PAX2: variants seen among roughly 807,000 people sequenced by gnomAD.
The protein encoded by PAX2 is paired box protein Pax-2.
A neutral mutation model predicts 41.7 loss-of-function variants in PAX2; 9 were observed. That is an observed-to-expected ratio of 0.22 (90% confidence interval 0.13 to 0.38). PAX2 has a LOEUF of 0.38. PAX2 is among the 10% of genes least tolerant of loss of function. The pLI is 1.00. For missense variants in PAX2, 418 were observed against 531.6 expected, an observed-to-expected ratio of 0.79 and a Z score of 2.10; for synonymous variants, 221 against 212.7, an observed-to-expected ratio of 1.04 and a Z score of -0.34.
intron 1 of PAX2, among the ~76,000 whole-genome samples, chr10:100,739,432 G>T (rs1428912576): frequency 6.6e-6 from 1 of 152,238 alleles, no homozygotes; most frequent in Non-Finnish European, 1.5e-5. Flanking sequence ...GGGAGAGGAG[G>T]AAGGAAAGGC....
rs1848724266 is a variant in PAX2 at position 100,829,755 on chromosome 10, C to G, written c.*2136C>G. 9.7e-6 allele frequency: 2 copies of G among 205,416 alleles called. No homozygotes were observed. The highest frequency in any genetic ancestry group is 2.0e-5 in the Non-Finnish European group (2 of 99,888). The allele number at this position is 205,416 out of a possible 1,614,324, so 12.7% of individuals were successfully genotyped here. On this transcript the variant is annotated 3_prime_UTR_variant, in exon 10 of 10. Coordinates refer to ENST00000355243, the MANE Select transcript of PAX2 (RefSeq NM_000278.5). The stretch of plus-strand genomic sequence containing the variant: ...GCGAGGGCGCCGAGGTCCGGCCCAT[C>G]CCAGTCCTGTGGGGCTGGCCGGGCA...
chr10:100,763,955 T>C (rs1845922851), intron 3 of PAX2, among the ~76,000 whole-genome samples: 1 of 150,300 alleles, frequency 6.7e-6, no homozygotes, highest in African/African-American at 2.5e-5. Context: ...CTCTCATAAG[T>C]TTTCATGAGG....
At chr10:100,771,963 T>C (rs1244086502) in intron 3 of PAX2, among the ~76,000 whole-genome samples, 1 of 152,122 alleles carries the variant, frequency 6.6e-6, no homozygotes, top group Admixed American at 6.5e-5. Context: ...TCCGCCACCA[T>C]GCCCGGCTAA....
At chr10:100,809,750 A>G (rs912745515) in intron 7 of PAX2, among the ~76,000 whole-genome samples, 14 of 152,190 alleles carry the variant, frequency 9.2e-5, no homozygotes, top group African/African-American at 3.1e-4. Flanking sequence ...GATGAGTACA[A>G]TTATTCCAGC....
At chr10:100,789,909 G>A (rs940532215) in intron 5 of PAX2, among the ~76,000 whole-genome samples, 4 of 152,294 alleles carry the variant, frequency 2.6e-5, no homozygotes, top group Middle Eastern at 3.4e-3. Flanking sequence ...AGGTTCTGTC[G>A]ATGTTTTAGA....
At chr10:100,741,336 A>C (rs370499054), upstream of PAX2, among the ~76,000 whole-genome samples, 10 of 149,768 alleles carry the variant, frequency 6.7e-5, no homozygotes, top group Admixed American at 1.3e-4. Flanking sequence ...AAAAGAAAGT[A>C]GCTTTAGGGG....
intron 5 of PAX2, among the ~76,000 whole-genome samples, chr10:100,786,378 C>T (rs1190030897): frequency 6.6e-6 from 1 of 152,244 alleles, no homozygotes. Flanking sequence ...CTTTTTCTAA[C>T]ATGTGGGCAT....
chr10:100,803,020 G>A (rs990699171), intron 5 of PAX2, among the ~76,000 whole-genome samples: 1 of 151,928 alleles, frequency 6.6e-6, no homozygotes, highest in South Asian at 2.1e-4. Flanking sequence ...CCATCTTCCC[G>A]GGAGAACCCT....
intron 7 of PAX2, among the ~76,000 whole-genome samples, chr10:100,818,165 G>A (rs943541782): frequency 2.0e-5 from 3 of 152,168 alleles, no homozygotes; most frequent in East Asian, 1.9e-4. Flanking sequence ...AGGGTCCTCC[G>A]CAGTGTCAAG....
chr10:100,765,224 G>T (rs1379114775), intron 3 of PAX2, among the ~76,000 whole-genome samples: 2 of 152,138 alleles, frequency 1.3e-5, no homozygotes, highest in Admixed American at 1.3e-4. Context: ...TTTATTCTTT[G>T]CCTGACAAGA....
chr10:100,750,823 T>A lies in PAX2; in HGVS notation c.342T>A (p.Ile114=). Residue 114 remains isoleucine, a synonymous_variant, in exon 3 of 10, where the codon ATT becomes ATA. Transcript: ENST00000355243. This position sits in a 1 kb window ranked among gnomAD's most constrained non-coding sequence, Gnocchi z 4.1. ...RQNPTMFAWE[I]RDRLLAEGIC... ...ACCCGACTATGTTCGCCTGGGAGAT[T>A]CGAGACCGGCTCCTGGCCGAGGGCA... 1 of 1,614,190 alleles carries A rather than the reference T, an allele frequency of 6.2e-7. No homozygotes were observed. Among genetic ancestry groups the A allele is most frequent in the Non-Finnish European group, 8.5e-7 (1 of 1,180,018 alleles).
At chr10:100,775,257 G>C (rs1288528744) in intron 3 of PAX2, among the ~76,000 whole-genome samples, 1 of 152,202 alleles carries the variant, frequency 6.6e-6, no homozygotes, top group Non-Finnish European at 1.5e-5. Context: ...GAGGAACATG[G>C]GGAAACGGTA....
chr10:100,806,409 G>C (rs758771040), intron 5 of PAX2, 21 bp from the exon 6 acceptor site: 1 of 1,613,962 alleles, frequency 6.2e-7, no homozygotes, highest in Non-Finnish European at 8.5e-7. Context: ...CTAACGCCCC[G>C]AGTGTCCATG....
chr10:100,806,553 G>T lies in PAX2; in HGVS notation c.740G>T (p.Arg247Leu). The T allele has an allele frequency of 6.2e-7, 1 of 1,614,180 alleles. No individual in the cohort carries two copies. The highest frequency in any genetic ancestry group is 8.5e-7 in the Non-Finnish European group (1 of 1,180,028). Residue 247 changes from arginine (R) to leucine (L), a missense_variant, in exon 6 of 10, where the codon CGT becomes CTT. Transcript: ENST00000355243. ...QLEALDRVFE[R>L]PSYPDVFQAS... Reference sequence around the variant, plus strand: ...GAAGCTTTGGATCGGGTCTTTGAGCGTCCTTCCTACCCTGACGTCTTCCAG... The same window carrying T: ...GAAGCTTTGGATCGGGTCTTTGAGCTTCCTTCCTACCCTGACGTCTTCCAG...
chr10:100,793,000 C>G (rs532482973), intron 5 of PAX2, among the ~76,000 whole-genome samples: 1 of 152,360 alleles, frequency 6.6e-6, no homozygotes. Flanking sequence ...TAAATGCAAG[C>G]AGTTTCTCTA....
At chr10:100,735,520 G>T in exon 1 of PAX2, 1 of 304,890 alleles carries the variant, frequency 3.3e-6, no homozygotes, top group South Asian at 1.4e-4. Context: ...GGGAGTGAGA[G>T]AGCGGGCGCG....
intron 7 of PAX2, among the ~76,000 whole-genome samples, chr10:100,816,608 C>T (rs7917026): frequency 0.043 from 6,613 of 152,250 alleles, 487 homozygotes; most frequent in African/African-American, 0.15. Flanking sequence ...GGGCCGGCCA[C>T]CTCCAAGGTG....
intron 4 of PAX2, among the ~76,000 whole-genome samples, 161 bp downstream of exon 4, chr10:100,779,744 G>A (rs1355065012): frequency 6.6e-6 from 1 of 152,140 alleles, no homozygotes; most frequent in African/African-American, 2.4e-5. Flanking sequence ...GTCTTCCTGA[G>A]AGATACTGGT....
chr10:100,812,591 C>T (rs1013635643), intron 7 of PAX2, among the ~76,000 whole-genome samples: 1 of 152,208 alleles, frequency 6.6e-6, no homozygotes, highest in Non-Finnish European at 1.5e-5. Flanking sequence ...AGGACTCGCT[C>T]CAACTGCATG....
Sources: allele counts gnomAD v4.1 joint callset (sites outside exome capture counted in the v4.1 genomes callset), GRCh38; gene constraint gnomAD v4.1.1; non-coding constraint Gnocchi (gnomAD v3.1); transcripts MANE v1.5; gene names NCBI Gene and HGNC (gene_info 2026-07-23, HGNC 2026-07-21).